The following REXO1 variants were observed in gnomAD, a reference collection of about 807,000 sequenced individuals.
REXO1 encodes REX1, RNA exonuclease 1 homolog.
Under a neutral mutation model 102.6 loss-of-function variants are expected in REXO1, and 42 were observed. The ratio of observed to expected loss-of-function variants is 0.41; its 90% CI spans 0.32 to 0.53. The LOEUF (loss-of-function observed/expected upper bound fraction) is 0.53, where lower values mean the gene tolerates loss of function less well. REXO1 is among the 20% of genes least tolerant of loss of function. REXO1 has a pLI of 0.27. For missense variants in REXO1, 1,819 were observed against 1,732.5 expected, an observed-to-expected ratio of 1.05 and a Z score of -0.89; for synonymous variants, 908 against 779.1, an observed-to-expected ratio of 1.17 and a Z score of -2.76.
Position 1,816,359 on chromosome 19 carries a change from C to G in REXO1, c.3457-14G>C, listed in dbSNP as rs752875959. The G allele has an allele frequency of 2.5e-5, 40 of 1,589,532 alleles. No individual in the cohort carries two copies. In the East Asian group the frequency reaches 3.0e-4, roughly 12 times the overall value. On this transcript the variant is annotated splice_polypyrimidine_tract_variant and intron_variant, in intron 14 of 15. Transcript: ENST00000170168. ...GCTGTGGATGACCTGTGGGCAGCGG[C>G]AGAGATCAGCGCACGTGGGGCCTGC... is the stretch of plus-strand genomic sequence containing the variant.
In REXO1 at chr19:1,828,369, C is replaced by T. The variant is rs149516468; in HGVS notation, c.420G>A (p.Pro140=). 2.4e-4 allele frequency: 394 copies of T among 1,609,162 alleles called. 1 individual carries two copies. The Admixed American group carries it at 5.6e-3, about 23-fold the overall frequency. The change falls in exon 2 of 16, where the codon CCG becomes CCA. Residue 140 remains proline (P), a synonymous_variant. Transcript: ENST00000170168. ...RGPNASPTVG[P]DEDAFPLAFD... Reference sequence around the variant, plus strand: ...AGGCCAGTGGGAAGGCATCCTCGTCCGGGCCCACAGTGGGGCTGGCGTTGG... The same window carrying T: ...AGGCCAGTGGGAAGGCATCCTCGTCTGGGCCCACAGTGGGGCTGGCGTTGG...
At chr19:1,819,195 G>T in intron 7 of REXO1, 64 bp from the exon 8 acceptor site, 1 of 1,262,150 alleles carries the variant, frequency 7.9e-7, no homozygotes, top group Non-Finnish European at 1.1e-6. Context: ...TGCCCCGCCT[G>T]CTCTCCCACC....
Position 1,817,362 on chromosome 19 carries a change from C to T in REXO1, c.3091-33G>A, listed in dbSNP as rs201975652. 5.6e-5 allele frequency: 90 copies of T among 1,608,404 alleles called. No individual in the cohort carries two copies. In the Middle Eastern group the frequency reaches 3.2e-3, roughly 57 times the overall value. ...TGGAGAAGGCAGGTGAGGGCAGCTT[C>T]GGGGTGCAGTGGGGGCGGGGGTGGC... On this transcript the variant is annotated intron_variant, in intron 11 of 15. Coordinates refer to ENST00000170168, the MANE Select transcript of REXO1 (RefSeq NM_020695.4).
Position 1,826,729 on chromosome 19 carries a change from G to C in REXO1, c.1911+149C>G. On this transcript the variant is annotated intron_variant, in intron 2 of 15. Coordinates refer to ENST00000170168, the MANE Select transcript of REXO1 (RefSeq NM_020695.4). This position sits in a 1 kb window ranked among gnomAD's most constrained non-coding sequence, Gnocchi z 4.3. ...TGCCCGGGTGCTCCTGAGCTCCTGAGATTTCAACGGGCTCAGGGACCAGCA... is the reference window on the plus strand; with the variant it reads ...TGCCCGGGTGCTCCTGAGCTCCTGACATTTCAACGGGCTCAGGGACCAGCA... 1 of 1,362,950 alleles carries C rather than the reference G, an allele frequency of 7.3e-7. No individual in the cohort carries two copies. Among genetic ancestry groups the C allele is most frequent in the Non-Finnish European group, 9.7e-7 (1 of 1,035,232 alleles). 84.4% of individuals were successfully genotyped at this position (1,362,950 alleles called of 1,614,324 possible).
At chr19:1,837,852 G>C (rs1271739045) in intron 1 of REXO1, among the ~76,000 whole-genome samples, 1 of 152,196 alleles carries the variant, frequency 6.6e-6, no homozygotes, top group African/African-American at 2.4e-5. Context: ...GCCTGACCGG[G>C]GACCACCAGC....
intron 3 of REXO1, 86 bp downstream of exon 3, chr19:1,825,753 G>C: frequency 1.1e-6 from 1 of 926,694 alleles, no homozygotes; most frequent in South Asian, 1.5e-5. Context: ...TGGGATTACA[G>C]GCGTGAGCCA....
intron 10 of REXO1, 51 bp from the exon 11 acceptor site, chr19:1,817,831 G>GC (rs1481771664): frequency 6.7e-7 from 1 of 1,492,430 alleles, no homozygotes; most frequent in Non-Finnish European, 9.2e-7. Context: ...CCACTCCACA[G>GC]CCCCCGGGGC....
rs1338043493 is a variant in REXO1 at position 1,826,374 on chromosome 19, C to T, written c.1912-431G>A. 6.6e-5 allele frequency among the ~76,000 whole-genome samples: 10 copies of T among 150,538 alleles called. No homozygotes were observed. Among genetic ancestry groups the T allele is most frequent in the South Asian group, 6.3e-4 (3 of 4,766 alleles). ...GGCCCAGGAGAGCAAGAGCTCGCCA[C>T]GCTGGGAGTAGGGAGGAGGGAGGGG... On this transcript the variant is annotated intron_variant, in intron 2 of 15. Transcript: ENST00000170168. This position sits in a 1 kb window ranked among gnomAD's most constrained non-coding sequence, Gnocchi z 4.3.
chr19:1,825,482 T>A (rs974990350), intron 3 of REXO1, among the ~76,000 whole-genome samples: 6 of 48,632 alleles, frequency 1.2e-4, no homozygotes, highest in Admixed American at 5.7e-4. Flanking sequence ...TTTTTTATAA[T>A]TTTTTTTTTT....
At chr19:1,831,308 G>A (rs2069894683) in intron 1 of REXO1, among the ~76,000 whole-genome samples, 1 of 152,228 alleles carries the variant, frequency 6.6e-6, no homozygotes, top group Non-Finnish European at 1.5e-5. Context: ...CAGCTTGTCT[G>A]AAGGTCGGGC....
intron 1 of REXO1, 71 bp from the exon 2 acceptor site, chr19:1,828,702 G>C: frequency 6.8e-7 from 1 of 1,476,954 alleles, no homozygotes; most frequent in Middle Eastern, 1.9e-4. Context: ...GGCGGCCCCG[G>C]TCTCAAACTG....
Position 1,828,418 on chromosome 19 carries a change from G to T in REXO1, c.371C>A (p.Ala124Asp). 6.2e-7 allele frequency: 1 copy of T among 1,608,078 alleles called. No individual in the cohort carries two copies. Among genetic ancestry groups the T allele is most frequent in the East Asian group, 2.2e-5 (1 of 44,722 alleles). ...GGGGCCGCGGGGCGCCAGGGCGGGGGCCTCGGCGGAGCGGTGCTCACGGGT... is the reference window on the plus strand; with the variant it reads ...GGGGCCGCGGGGCGCCAGGGCGGGGTCCTCGGCGGAGCGGTGCTCACGGGT... ...ETTREHRSAEAPALAPRGPNA... is the reference protein window; with the variant it reads ...ETTREHRSAEDPALAPRGPNA... Residue 124 changes from alanine to aspartate, a missense_variant, in exon 2 of 16, where the codon GCC becomes GAC. Ala to Asp is a moderately radical substitution (Grantham distance 126). Transcript: ENST00000170168.
At chr19:1,841,560 A>C (rs2011282274) in intron 1 of REXO1, among the ~76,000 whole-genome samples, 1 of 152,214 alleles carries the variant, frequency 6.6e-6, no homozygotes, top group African/African-American at 2.4e-5. Context: ...CAGCAGGAGG[A>C]GGCCGGGGCC....
intron 7 of REXO1, 94 bp from the exon 8 acceptor site, chr19:1,819,225 C>T: frequency 1.1e-6 from 1 of 939,472 alleles, no homozygotes; most frequent in Non-Finnish European, 1.6e-6. Context: ...CTCCTCAGAC[C>T]TCTGCCTCAA....
intron 1 of REXO1, among the ~76,000 whole-genome samples, chr19:1,840,543 C>T (rs2011231283): frequency 6.6e-6 from 1 of 152,166 alleles, no homozygotes. Context: ...ATCCCCAGAG[C>T]CCACAGCCCT....
chr19:1,846,454 G>C (rs1243595282), intron 1 of REXO1, among the ~76,000 whole-genome samples: 1 of 152,236 alleles, frequency 6.6e-6, no homozygotes, highest in Non-Finnish European at 1.5e-5. Flanking sequence ...GGGAAATGCA[G>C]ACACGCCATG....
At chr19:1,830,245 A>C (rs1421334829) in intron 1 of REXO1, among the ~76,000 whole-genome samples, 1 of 152,258 alleles carries the variant, frequency 6.6e-6, no homozygotes, top group Non-Finnish European at 1.5e-5. Flanking sequence ...ACAGTGGCTC[A>C]CGCCGATCAT....
At chr19:1,817,548 G>T in intron 11 of REXO1, 159 bp downstream of exon 11, 1 of 1,450,016 alleles carries the variant, frequency 6.9e-7, no homozygotes, top group Non-Finnish European at 9.2e-7. Context: ...AGGGCCTGGG[G>T]CCTACGGGTG....
intron 4 of REXO1, 75 bp from the exon 5 acceptor site, chr19:1,821,757 C>T (rs1354359073): frequency 7.7e-6 from 11 of 1,420,194 alleles, no homozygotes; most frequent in African/African-American, 1.4e-5. Context: ...CAGGCAGCCG[C>T]GGCCGCTCAG....
Sources: allele counts gnomAD v4.1 joint callset (sites outside exome capture counted in the v4.1 genomes callset), GRCh38; gene constraint gnomAD v4.1.1; non-coding constraint Gnocchi (gnomAD v3.1); transcripts MANE v1.5; gene names NCBI Gene and HGNC (gene_info 2026-07-23, HGNC 2026-07-21).